Variants in SLC22A16 observed in about 807,000 individuals in gnomAD.
The protein encoded by SLC22A16 is solute carrier family 22 member 16.
SLC22A16 carries 53 observed loss-of-function variants against 52.9 expected under a neutral mutation model. The observed-to-expected ratio is 1.00, with a 90% confidence interval of 0.80 to 1.26. The LOEUF is 1.26. SLC22A16 is among the 50% of genes most tolerant of loss of function. SLC22A16 has a pLI of 0.00. For synonymous variants in SLC22A16, 291 were observed against 268.8 expected (o/e 1.08, Z -0.81); for missense variants, 726 against 704.0 (o/e 1.03, Z -0.35).
intron 7 of SLC22A16, among the ~76,000 whole-genome samples, chr6:110,428,925 A>T (rs1415140851): frequency 1.3e-4 from 20 of 152,290 alleles, no homozygotes; most frequent in African/African-American, 4.6e-4. Context: ...GTCTCAGAAG[A>T]ATAATAAAAA....
At chr6:110,454,120 G>A (rs889689027) in intron 2 of SLC22A16, among the ~76,000 whole-genome samples, 1 of 152,088 alleles carries the variant, frequency 6.6e-6, no homozygotes, top group African/African-American at 2.4e-5. Flanking sequence ...GCCACACTGG[G>A]GATCAAATTT....
intron 4 of SLC22A16, among the ~76,000 whole-genome samples, 191 bp from the exon 5 acceptor site, chr6:110,439,038 G>A (rs1444809446): frequency 3.3e-5 from 5 of 152,194 alleles, no homozygotes; most frequent in Admixed American, 1.3e-4. Context: ...AAAGATGAGC[G>A]TTTCCTGTGA....
At chr6:110,476,370 G>A in intron 1 of SLC22A16, 152 bp downstream of exon 1, 13 of 1,363,042 alleles carry the variant, frequency 9.5e-6, no homozygotes, top group Non-Finnish European at 1.2e-5. Context: ...AGGGGCCGGC[G>A]TCTGGACGCC....
At chr6:110,472,182 A>C (rs576888569) in intron 1 of SLC22A16, among the ~76,000 whole-genome samples, 3 of 152,276 alleles carry the variant, frequency 2.0e-5, no homozygotes, top group South Asian at 4.2e-4. Flanking sequence ...AATCCAGGGC[A>C]TGGGACATGG....
intron 6 of SLC22A16, among the ~76,000 whole-genome samples, chr6:110,435,535 G>A (rs1016081737): frequency 1.3e-5 from 2 of 152,142 alleles, no homozygotes; most frequent in African/African-American, 4.8e-5. Context: ...AACACAATTG[G>A]CATCAGAACA....
chr6:110,476,362 G>T, intron 1 of SLC22A16, 160 bp downstream of exon 1: 1 of 1,361,184 alleles, frequency 7.3e-7, no homozygotes, highest in Non-Finnish European at 9.4e-7. Flanking sequence ...GCCCAGCTAG[G>T]GGCCGGCGTC....
chr6:110,425,893 T>G (rs946648205), intron 7 of SLC22A16, among the ~76,000 whole-genome samples: 2 of 152,230 alleles, frequency 1.3e-5, no homozygotes, highest in Non-Finnish European at 2.9e-5. Flanking sequence ...CTTACTTAAT[T>G]CAAACTCCTT....
intron 1 of SLC22A16, 102 bp downstream of exon 1, chr6:110,476,419 GT>G: frequency 7.2e-7 from 1 of 1,396,412 alleles, no homozygotes; most frequent in Non-Finnish European, 9.3e-7. Flanking sequence ...AAGTGGAGAT[GT>G]TTTCGGATCG....
chr6:110,436,416 A>C (rs892138833), intron 5 of SLC22A16, among the ~76,000 whole-genome samples: 1 of 152,176 alleles, frequency 6.6e-6, no homozygotes, highest in African/African-American at 2.4e-5. Flanking sequence ...CTTGAGGCCA[A>C]GAGTTTTAGA....
intron 3 of SLC22A16, 107 bp downstream of exon 3, chr6:110,446,766 T>C (rs1241889455): frequency 2.1e-6 from 2 of 930,956 alleles, no homozygotes; most frequent in Admixed American, 2.2e-5. Context: ...TGGACAAAGA[T>C]GAGTCCTTGA....
intron 6 of SLC22A16, among the ~76,000 whole-genome samples, chr6:110,435,234 T>C (rs766908378): frequency 1.3e-5 from 2 of 152,152 alleles, no homozygotes; most frequent in Non-Finnish European, 2.9e-5. Flanking sequence ...AGATAAGGTC[T>C]TTAAAGAGGT....
chr6:110,430,388 T>C (rs746002), intron 7 of SLC22A16, among the ~76,000 whole-genome samples: 50,713 of 150,974 alleles, frequency 0.34, 8,745 homozygotes, highest in South Asian at 0.4. Context: ...GAAGCCAGGA[T>C]GAGAGGTGAT....
intron 3 of SLC22A16, among the ~76,000 whole-genome samples, chr6:110,446,129 G>C: frequency 6.6e-6 from 1 of 152,116 alleles, no homozygotes; most frequent in East Asian, 1.9e-4. Flanking sequence ...CATTTAGCAA[G>C]ATCACAAGCT....
In SLC22A16 at chr6:110,437,786, G is replaced by A. The variant is rs1774791135; in HGVS notation, c.1311+934C>T. Among the ~76,000 whole-genome samples, 5 of 129,270 alleles carry A rather than the reference G, an allele frequency of 3.9e-5. No homozygotes were observed. In the South Asian group the frequency reaches 1.2e-3, roughly 30 times the overall value. The allele number at this position is 129,270 out of a possible 152,430, so 84.8% of individuals were successfully genotyped here. A position where few individuals can be genotyped will look rare whatever the true frequency, so the allele number is the denominator to read the frequency against. On this transcript the variant is annotated intron_variant, in intron 5 of 7. Transcript: ENST00000368919. The stretch of plus-strand genomic sequence containing the variant: ...AGGGGAAGCACTTCTGGATGCAAGA[G>A]GTATTTTGAGGGACGCAGTTTGCCA...
chr6:110,454,794 A>ATATAATATATATATTATATATGTTATAT lies in SLC22A16; in HGVS notation c.533+1743_533+1744insATATAACATATATAATATATATATTATA, dbSNP rs1368835123. ...TATAAATATATATAAATATATAAAT[A>ATATAATATATATATTATATATGTTATAT]TATATAATATATATATTATATATGT... On this transcript the variant is annotated intron_variant, in intron 2 of 7. Coordinates refer to ENST00000368919, the MANE Select transcript of SLC22A16 (RefSeq NM_033125.4). Among the ~76,000 whole-genome samples, 84 of 50,364 alleles carry ATATAATATATATATTATATATGTTATAT rather than the reference A, an allele frequency of 1.7e-3. 9 individuals are homozygous for ATATAATATATATATTATATATGTTATAT. The highest frequency in any genetic ancestry group is 2.1e-3 in the Admixed American group (6 of 2,922). The allele number at this position is 50,364 out of a possible 152,430, so 33.0% of individuals were successfully genotyped here.
intron 1 of SLC22A16, among the ~76,000 whole-genome samples, chr6:110,473,671 C>A (rs1235303731): frequency 6.6e-6 from 1 of 150,686 alleles, no homozygotes; most frequent in African/African-American, 2.4e-5. Context: ...ACCACAGGCC[C>A]CCGCCACCAT....
intron 7 of SLC22A16, chr6:110,425,312 C>T (rs1424548129): frequency 1.4e-6 from 2 of 1,479,442 alleles, no homozygotes; most frequent in East Asian, 2.9e-5. Context: ...CCTTCATGAC[C>T]CACCATGGAG....
intron 7 of SLC22A16, 194 bp from the exon 8 acceptor site, chr6:110,425,279 A>G (rs1774211636): frequency 6.6e-6 from 10 of 1,510,780 alleles, no homozygotes; most frequent in Non-Finnish European, 8.9e-6. Context: ...ACGAGGTTTA[A>G]TCTCATCACT....
chr6:110,460,757 C>T (rs1371879389), intron 1 of SLC22A16, among the ~76,000 whole-genome samples: 1 of 152,148 alleles, frequency 6.6e-6, no homozygotes, highest in Admixed American at 6.5e-5. Context: ...ACCAGATCCC[C>T]CAGAAACATA....
Sources: gnomAD v4.1 joint callset for allele counts (sites outside exome capture counted in the v4.1 genomes callset) on GRCh38, gnomAD v4.1.1 for gene constraint, MANE v1.5 for transcripts, NCBI Gene and HGNC (gene_info 2026-07-23, HGNC 2026-07-21) for gene names.